The following ANKMY1 variants were observed in gnomAD, a reference collection of about 807,000 sequenced individuals.
ANKMY1 encodes the protein ankyrin repeat and MYND domain-containing protein 1.
Under a neutral mutation model 102.0 loss-of-function variants are expected in ANKMY1, and 98 were observed. The observed-to-expected ratio is 0.96, with a 90% confidence interval of 0.82 to 1.14. ANKMY1 has a LOEUF of 1.14. ANKMY1 is among the 50% of genes most tolerant of loss of function. ANKMY1 has a pLI of 0.00. For synonymous variants in ANKMY1, 582 were observed against 559.9 expected, an observed-to-expected ratio of 1.04 and a Z score of -0.56; for missense variants, 1,330 against 1,347.6, an observed-to-expected ratio of 0.99 and a Z score of 0.20.
chr2:240,556,475 C>G (rs1406115745), intron 2 of ANKMY1, among the ~76,000 whole-genome samples: 1 of 152,222 alleles, frequency 6.6e-6, no homozygotes, highest in Non-Finnish European at 1.5e-5. Flanking sequence ...GCTGTTTGAG[C>G]ACAAAGGAGA....
intron 4 of ANKMY1, among the ~76,000 whole-genome samples, chr2:240,533,718 A>AACACACACACACAC (rs34916770): frequency 2.1e-5 from 3 of 145,528 alleles, no homozygotes; most frequent in East Asian, 2.1e-4. Context: ...GATTTCAATA[A>AACACACACACACAC]ACACACACAC....
At chr2:240,557,550 G>A (rs1038199829) in intron 1 of ANKMY1, 198 bp from the exon 2 acceptor site, 2 of 531,040 alleles carry the variant, frequency 3.8e-6, no homozygotes, top group Non-Finnish European at 3.0e-6. Context: ...TCGGAACCAT[G>A]GGTAAACTTC....
chr2:240,548,054 C>A (rs1444803691), intron 4 of ANKMY1, among the ~76,000 whole-genome samples: 3 of 152,114 alleles, frequency 2.0e-5, no homozygotes, highest in Non-Finnish European at 4.4e-5. Flanking sequence ...GGCAGAGACA[C>A]AACCAAAAAA....
In ANKMY1 at chr2:240,520,083, T is replaced by G; in HGVS notation, c.2004+279A>C. The G allele has an allele frequency of 1.6e-6, 1 of 632,940 alleles. No homozygotes were observed. The highest frequency in any genetic ancestry group is 3.0e-6 in the Non-Finnish European group (1 of 331,836). The allele number at this position is 632,940 out of a possible 1,614,324, so 39.2% of individuals were successfully genotyped here. A position where few individuals can be genotyped will look rare whatever the true frequency, so the allele number is the denominator to read the frequency against. ...TCCCCTTTCCAAGGGGCCTTCAGGATGCGCTTCCCCTTAGTTTGCTTCAAC... is the reference window on the plus strand; with the variant it reads ...TCCCCTTTCCAAGGGGCCTTCAGGAGGCGCTTCCCCTTAGTTTGCTTCAAC... On this transcript the variant is annotated intron_variant, in intron 9 of 17. Transcript: ENST00000401804. The surrounding 1 kb of genome is among the most constrained non-coding windows in gnomAD (Gnocchi z 4.8).
At chr2:240,554,127 A>T (rs2091986086) in intron 3 of ANKMY1, 1 of 152,166 alleles carries the variant, frequency 6.6e-6, no homozygotes, top group Admixed American at 6.5e-5. Flanking sequence ...CCCTACAGAG[A>T]GGATTCCCCA....
chr2:240,558,958 C>CT (rs2092703651), upstream of ANKMY1, among the ~76,000 whole-genome samples: 1 of 152,144 alleles, frequency 6.6e-6, no homozygotes, highest in African/African-American at 2.4e-5. Flanking sequence ...TCTCTAAAAA[C>CT]TAAAATGCTG....
chr2:240,481,142 G>A (rs754187506), intron 16 of ANKMY1, 45 bp from the exon 17 acceptor site: 4 of 1,584,310 alleles, frequency 2.5e-6, no homozygotes, highest in Non-Finnish European at 3.4e-6. Context: ...TCCAGAACCT[G>A]CTTCCCCACA....
intron 15 of ANKMY1, among the ~76,000 whole-genome samples, chr2:240,493,828 G>A (rs949541029): frequency 1.6e-4 from 24 of 152,196 alleles, no homozygotes; most frequent in African/African-American, 5.8e-4. Context: ...GGCTCCAAAT[G>A]GCTTGTTTAG....
intron 11 of ANKMY1, 114 bp from the exon 12 acceptor site, chr2:240,509,569 C>G (rs1347164012): frequency 2.7e-6 from 2 of 732,512 alleles, no homozygotes; most frequent in Non-Finnish European, 4.5e-6. Flanking sequence ...CGGCTACTTC[C>G]TGCCAACCAT....
At chr2:240,525,591 T>C (rs1470476541) in intron 7 of ANKMY1, 94 bp downstream of exon 7, 1 of 1,443,490 alleles carries the variant, frequency 6.9e-7, no homozygotes, top group Non-Finnish European at 9.4e-7. Flanking sequence ...ACAAGCCTGG[T>C]CCACACAGGA....
Position 240,525,848 on chromosome 2 carries a change from G to A in ANKMY1, c.1172C>T (p.Thr391Ile). The A allele has an allele frequency of 6.2e-7, 1 of 1,613,874 alleles. No individual in the cohort carries two copies. The highest frequency in any genetic ancestry group is 1.1e-5 in the South Asian group (1 of 91,066). The change falls in exon 7 of 18, where the codon ACT becomes ATT. Residue 391 changes from threonine (T) to isoleucine (I), a missense_variant and splice_region_variant. By Grantham distance (89) the Thr-to-Ile change is moderately conservative. Transcript: ENST00000401804. ...GTTGACAATGTCGTTGTGGCAGTGA[G>A]TCTGGAGGGAGATGAGGCAGGACTC... The part of the protein sequence containing the change: ...KGYTVLAAAA[T>I]HCHNDIVNLL...
intron 7 of ANKMY1, among the ~76,000 whole-genome samples, chr2:240,524,745 T>C (rs951851211): frequency 3.3e-5 from 5 of 152,260 alleles, no homozygotes; most frequent in Non-Finnish European, 7.3e-5. Context: ...AATGATAGGA[T>C]TTTTAATACA....
At chr2:240,511,174 C>T (rs1191432172) in intron 11 of ANKMY1, among the ~76,000 whole-genome samples, 4 of 152,334 alleles carry the variant, frequency 2.6e-5, no homozygotes, top group African/African-American at 9.6e-5. Context: ...CGCATGCCCA[C>T]TAGCACACAT....
the ANKMY1 span, among the ~76,000 whole-genome samples, chr2:240,469,606 G>A: frequency 2.5e-3 from 377 of 152,282 alleles, no homozygotes; most frequent in Non-Finnish European, 4.5e-3. Context: ...GCCAGCATGG[G>A]TGTCTGCTCC....
intron 15 of ANKMY1, among the ~76,000 whole-genome samples, chr2:240,495,980 C>T (rs2077206869): frequency 6.6e-6 from 1 of 152,182 alleles, no homozygotes; most frequent in African/African-American, 2.4e-5. Flanking sequence ...TTGAGTGTGA[C>T]TGTCTGTACA....
intron 5 of ANKMY1, chr2:240,527,080 A>T: frequency 3.6e-6 from 2 of 556,162 alleles, no homozygotes; most frequent in Non-Finnish European, 4.5e-6. Flanking sequence ...TGATGGATGA[A>T]TGGATGGGTG....
In ANKMY1 at chr2:240,499,226, GTTT is replaced by G. The variant is rs2152019024; in HGVS notation, c.2806+729_2806+731del. ...GCACACACGTGTTAACACGTGACAG[GTTT>G]TTATGTGAGGAGAGGATGGCTGTGG... On this transcript the variant is annotated intron_variant, in intron 15 of 17. Transcript: ENST00000401804. This position sits in a 1 kb window ranked among gnomAD's most constrained non-coding sequence, Gnocchi z 4.2. Among the ~76,000 whole-genome samples, 1 of 151,982 alleles carries G rather than the reference GTTT, an allele frequency of 6.6e-6. No homozygotes were observed. The highest frequency in any genetic ancestry group is 2.1e-4 in the South Asian group (1 of 4,814).
At chr2:240,547,739 A>G in intron 4 of ANKMY1, among the ~76,000 whole-genome samples, 1 of 149,126 alleles carries the variant, frequency 6.7e-6, no homozygotes, top group East Asian at 1.9e-4. Flanking sequence ...AAACACCTCT[A>G]CGCAAATAAA....
At chr2:240,558,221 A>C, upstream of ANKMY1, 1 of 151,966 alleles carries the variant, frequency 6.6e-6, no homozygotes, top group Non-Finnish European at 1.5e-5. Flanking sequence ...TTCCCCCAAC[A>C]CTCCCGTGAT....
Sources: gnomAD v4.1 joint callset for allele counts (sites outside exome capture counted in the v4.1 genomes callset) on GRCh38, gnomAD v4.1.1 for gene constraint, Gnocchi (gnomAD v3.1) non-coding constraint, MANE v1.5 for transcripts, NCBI Gene and HGNC (gene_info 2026-07-23, HGNC 2026-07-21) for gene names.